The following DLG2 variants were observed in gnomAD, a reference collection of about 807,000 sequenced individuals.
DLG2 encodes discs large MAGUK scaffold protein 2, also known as disks large homolog 2.
DLG2 carries 45 observed loss-of-function variants against 132.5 expected under a neutral mutation model. That is an observed-to-expected ratio of 0.34 (90% confidence interval 0.27 to 0.44). The LOEUF is 0.44. Ranked by LOEUF, DLG2 falls within the 20% of genes least tolerant of loss-of-function variation. DLG2 has a pLI of 1.00. For missense variants in DLG2, 1,045 were observed against 1,196.9 expected (o/e 0.87, Z 1.87); for synonymous variants, 424 against 419.6 (o/e 1.01, Z -0.13).
In DLG2 at chr11:83,964,496, T is replaced by C. The variant is rs567692797; in HGVS notation, c.1201+828A>G. 2.3e-3 allele frequency among the ~76,000 whole-genome samples: 350 copies of C among 152,118 alleles called. 2 individuals carry two copies. The highest frequency in any genetic ancestry group is 7.9e-3 in the African/African-American group (327 of 41,550). On this transcript the variant is annotated intron_variant, in intron 13 of 27. Coordinates refer to ENST00000376104, the MANE Select transcript of DLG2 (RefSeq NM_001142699.3). ...TGCTTGAGACCATAGTACTAATTAA[T>C]GGCCAGTTCTGAAGACGTTCCAAGT...
intron 8 of DLG2, among the ~76,000 whole-genome samples, chr11:84,170,032 C>T (rs944728258): frequency 2.6e-5 from 4 of 152,212 alleles, no homozygotes; most frequent in African/African-American, 9.6e-5. Flanking sequence ...CCTATATCCT[C>T]ATGTTCATGA....
intron 6 of DLG2, among the ~76,000 whole-genome samples, chr11:84,663,229 T>TTA (rs147695623): frequency 3.7e-4 from 53 of 143,560 alleles, no homozygotes; most frequent in Non-Finnish European, 5.9e-4. Context: ...CCTTTACAGG[T>TTA]TATATATATA....
chr11:83,951,419 T>C (rs1447497615), intron 14 of DLG2, among the ~76,000 whole-genome samples: 2 of 151,912 alleles, frequency 1.3e-5, no homozygotes, highest in East Asian at 1.9e-4. Context: ...CAAGCAGGAA[T>C]AAGCACTAGA....
intron 7 of DLG2, among the ~76,000 whole-genome samples, chr11:84,394,408 A>G (rs1326506035): frequency 6.6e-6 from 1 of 151,388 alleles, no homozygotes; most frequent in African/African-American, 2.4e-5. Flanking sequence ...ATAGCATGAC[A>G]GTTATTTTCT....
At chr11:85,508,474 G>A (rs1226984275) in intron 3 of DLG2, among the ~76,000 whole-genome samples, 1 of 151,988 alleles carries the variant, frequency 6.6e-6, no homozygotes, top group Non-Finnish European at 1.5e-5. Context: ...CCTTAGGTAT[G>A]TTCTTTATCC....
chr11:85,497,977 G>A (rs1466065593), intron 3 of DLG2, among the ~76,000 whole-genome samples: 1 of 152,152 alleles, frequency 6.6e-6, no homozygotes, highest in Non-Finnish European at 1.5e-5. Flanking sequence ...GCAAAAGCAT[G>A]CCAAATTGTA....
chr11:84,492,804 T>C (rs1307399932), intron 7 of DLG2, among the ~76,000 whole-genome samples: 3 of 152,142 alleles, frequency 2.0e-5, no homozygotes, highest in African/African-American at 7.2e-5. Context: ...TGAGAAGTAC[T>C]GTTTTAAATG....
chr11:83,682,958 AG>A (rs773952218), intron 18 of DLG2, among the ~76,000 whole-genome samples: 19 of 152,114 alleles, frequency 1.2e-4, no homozygotes, highest in South Asian at 2.1e-4. Flanking sequence ...ACCCAAACCC[AG>A]GTCTTCTGAT....
At chr11:84,502,122 C>T in intron 7 of DLG2, among the ~76,000 whole-genome samples, 1 of 142,050 alleles carries the variant, frequency 7.0e-6, no homozygotes, top group African/African-American at 2.6e-5. Context: ...GTCTTTCTCT[C>T]TTTCTCTCTT....
At chr11:85,225,682 CTG>C (rs1298751336) in intron 4 of DLG2, among the ~76,000 whole-genome samples, 2 of 151,904 alleles carry the variant, frequency 1.3e-5, no homozygotes, top group African/African-American at 4.8e-5. Context: ...TCTCTTCTCT[CTG>C]TTTATTTTTC....
chr11:84,931,103 A>G (rs982015257), intron 6 of DLG2, among the ~76,000 whole-genome samples: 6 of 151,962 alleles, frequency 3.9e-5, no homozygotes, highest in South Asian at 2.1e-4. Context: ...CCTCCTCTTG[A>G]AACACCCTTA....
chr11:84,975,148 C>T (rs1309892519), intron 6 of DLG2, among the ~76,000 whole-genome samples: 1 of 152,148 alleles, frequency 6.6e-6, no homozygotes, highest in Non-Finnish European at 1.5e-5. Context: ...ATTACTGTTA[C>T]AGGGGTATCA....
intron 9 of DLG2, among the ~76,000 whole-genome samples, chr11:84,101,875 T>C (rs562535543): frequency 6.6e-6 from 1 of 152,226 alleles, no homozygotes; most frequent in East Asian, 1.9e-4. Context: ...TTGGAGAGGG[T>C]ACTCAAAACT....
intron 3 of DLG2, among the ~76,000 whole-genome samples, chr11:85,378,189 T>C (rs2085585679): frequency 6.6e-6 from 1 of 152,108 alleles, no homozygotes; most frequent in Non-Finnish European, 1.5e-5. Flanking sequence ...TTCCAAACAA[T>C]TCATACAGAA....
At chr11:84,741,056 CTTTTTTTTTTTTTTTTTT>C (rs1163275954) in intron 6 of DLG2, among the ~76,000 whole-genome samples, 4 of 79,296 alleles carry the variant, frequency 5.0e-5, no homozygotes, top group Admixed American at 3.0e-4. Context: ...TGCCTATGCT[CTTTTTTTTTTTTTTTTTT>C]TTTTTTTTTT....
intron 3 of DLG2, among the ~76,000 whole-genome samples, chr11:85,396,990 G>A (rs1334735350): frequency 2.0e-5 from 3 of 152,090 alleles, no homozygotes; most frequent in Non-Finnish European, 4.4e-5. Context: ...ATTTGCCAAG[G>A]TTGAAATAAA....
chr11:84,094,493 T>C (rs909639962), intron 10 of DLG2, among the ~76,000 whole-genome samples: 1 of 152,196 alleles, frequency 6.6e-6, no homozygotes, highest in Non-Finnish European at 1.5e-5. Context: ...AAAAATATAA[T>C]TTATGTCTTA....
At chr11:85,267,148 G>A (rs2077263890) in intron 4 of DLG2, among the ~76,000 whole-genome samples, 1 of 152,164 alleles carries the variant, frequency 6.6e-6, no homozygotes, top group African/African-American at 2.4e-5. Context: ...TGAGGGTAGA[G>A]TAATCATGAA....
intron 7 of DLG2, among the ~76,000 whole-genome samples, chr11:84,264,106 TA>T (rs1223006762): frequency 6.6e-6 from 1 of 152,062 alleles, no homozygotes; most frequent in Non-Finnish European, 1.5e-5. Context: ...AAATAACAGA[TA>T]AAAAGGAGAC....
Sources: allele counts gnomAD v4.1 joint callset (sites outside exome capture counted in the v4.1 genomes callset), GRCh38; gene constraint gnomAD v4.1.1; transcripts MANE v1.5; gene names NCBI Gene and HGNC (gene_info 2026-07-23, HGNC 2026-07-21).